XXYLT1: variants seen among roughly 807,000 people sequenced by gnomAD.
XXYLT1 encodes the protein UDP-xylose:alpha-xyloside alpha-1,3-xylosyltransferase.
XXYLT1 carries 20 observed loss-of-function variants against 28.9 expected under a neutral mutation model. That is an observed-to-expected ratio of 0.69 (90% CI 0.49 to 1.00). The LOEUF (loss-of-function observed/expected upper bound fraction) is 1.00, where lower values mean the gene tolerates loss of function less well. XXYLT1 is among the 50% of genes least tolerant of loss of function. The pLI is 0.00. For missense variants in XXYLT1, 542 were observed against 560.1 expected, an observed-to-expected ratio of 0.97 and a Z score of 0.33; for synonymous variants, 257 against 253.8, an observed-to-expected ratio of 1.01 and a Z score of -0.12.
rs1000415809 is a variant in XXYLT1, at chr3:195,168,905, A to G, written c.653-12324T>C. Among the ~76,000 whole-genome samples the G allele has an allele frequency of 2.6e-5, 4 of 152,220 alleles. No homozygotes were observed. Among genetic ancestry groups the G allele is most frequent in the Non-Finnish European group, 4.4e-5 (3 of 68,040 alleles). On this transcript the variant is annotated intron_variant, in intron 2 of 3. Coordinates refer to ENST00000310380, the MANE Select transcript of XXYLT1 (RefSeq NM_152531.5). This position sits in a 1 kb window ranked among gnomAD's most constrained non-coding sequence, Gnocchi z 4.3. Reference sequence around the variant, plus strand: ...ACAAAGTCTGAGCTCTTTTGCCTCAATGTGGTCCCTTTAAACAGGGCTTAC... The same window carrying G: ...ACAAAGTCTGAGCTCTTTTGCCTCAGTGTGGTCCCTTTAAACAGGGCTTAC...
In XXYLT1 at chr3:195,259,368, C is replaced by A. The variant is rs78993000; in HGVS notation, c.504+11187G>T. 1.2e-3 allele frequency among the ~76,000 whole-genome samples: 185 copies of A among 152,340 alleles called. 2 individuals are homozygous for A. The South Asian group carries it at 0.017, about 14-fold the overall frequency. ...AGTCAGAGCCGTGAAGTCAAGGTCC[C>A]TGTGGCTTGCGGGTAAGGCCCTGGT... On this transcript the variant is annotated intron_variant, in intron 1 of 3. Coordinates refer to ENST00000310380, the MANE Select transcript of XXYLT1 (RefSeq NM_152531.5).
intron 2 of XXYLT1, among the ~76,000 whole-genome samples, chr3:195,166,967 G>A (rs1298187870): frequency 2.6e-5 from 4 of 151,594 alleles, no homozygotes; most frequent in East Asian, 1.9e-4. Flanking sequence ...GTGAGCCACC[G>A]CGCCCGGCCA....
chr3:195,189,323 T>A (rs1722328719), intron 2 of XXYLT1, among the ~76,000 whole-genome samples: 1 of 152,074 alleles, frequency 6.6e-6, no homozygotes. Flanking sequence ...TCATAACTTG[T>A]CCCAGACAAG....
At chr3:195,111,346 A>G (rs80302312) in intron 3 of XXYLT1, among the ~76,000 whole-genome samples, 2 of 152,290 alleles carry the variant, frequency 1.3e-5, no homozygotes, top group East Asian at 3.9e-4. Flanking sequence ...ATAAGGTCAC[A>G]TTCTGAGGGA....
intron 2 of XXYLT1, among the ~76,000 whole-genome samples, chr3:195,200,083 C>T (rs973193948): frequency 3.9e-5 from 6 of 152,228 alleles, no homozygotes; most frequent in African/African-American, 1.4e-4. Context: ...ATTTTTCCAT[C>T]GCTGCTTTTC....
rs984291483 is a variant in XXYLT1, at chr3:195,168,227, C to T, written c.653-11646G>A. 5.3e-5 allele frequency among the ~76,000 whole-genome samples: 8 copies of T among 152,154 alleles called. No individual in the cohort carries two copies. Among genetic ancestry groups the T allele is most frequent in the Non-Finnish European group, 1.2e-4 (8 of 68,028 alleles). On this transcript the variant is annotated intron_variant, in intron 2 of 3. Transcript: ENST00000310380. The surrounding 1 kb of genome is among the most constrained non-coding windows in gnomAD (Gnocchi z 4.3). The stretch of plus-strand genomic sequence containing the variant: ...AAATGAATGTGGTCTGAGACTCCTC[C>T]CAGCCCTACCACCCTGTGATTCTGA...
intron 3 of XXYLT1, among the ~76,000 whole-genome samples, chr3:195,100,556 AC>A (rs1716720504): frequency 6.6e-6 from 1 of 151,608 alleles, no homozygotes; most frequent in African/African-American, 2.4e-5. Flanking sequence ...TGTGGCCTCT[AC>A]CCCTGCCAGC....
rs115462781 is a variant in XXYLT1, at chr3:195,254,466, A to G, written c.504+16089T>C. ...CCTCTGCAGGCTCAGTCACCCTCTCACTCTTGCTCAGCACGTCCACGGGGC... is the reference window on the plus strand; with the variant it reads ...CCTCTGCAGGCTCAGTCACCCTCTCGCTCTTGCTCAGCACGTCCACGGGGC... On this transcript the variant is annotated intron_variant, in intron 1 of 3. Coordinates refer to ENST00000310380, the MANE Select transcript of XXYLT1 (RefSeq NM_152531.5). Among the ~76,000 whole-genome samples, 929 of 151,946 alleles carry G rather than the reference A, an allele frequency of 6.1e-3. 12 individuals carry two copies. Among genetic ancestry groups the G allele is most frequent in the African/African-American group, 0.021 (870 of 41,438 alleles).
rs182377943 is a variant in XXYLT1, at chr3:195,180,760, G to A, written c.653-24179C>T. ...CACCCCTGCAAGCACACACCTGCTC[G>A]CCAGGAGCAAGGGCAGCGCCGGCCC... On this transcript the variant is annotated intron_variant, in intron 2 of 3. Coordinates refer to ENST00000310380, the MANE Select transcript of XXYLT1 (RefSeq NM_152531.5). This position sits in a 1 kb window ranked among gnomAD's most constrained non-coding sequence, Gnocchi z 5.8. 6.6e-5 allele frequency among the ~76,000 whole-genome samples: 10 copies of A among 152,288 alleles called. 1 individual carries two copies. Among genetic ancestry groups the A allele is most frequent in the African/African-American group, 9.6e-5 (4 of 41,572 alleles).
In XXYLT1 at chr3:195,141,336, C is replaced by T. The variant is rs142440138; in HGVS notation, c.785+15113G>A. On this transcript the variant is annotated intron_variant, in intron 3 of 3. Coordinates refer to ENST00000310380, the MANE Select transcript of XXYLT1 (RefSeq NM_152531.5). ...TGATAGGTCCAGATACACTGTGTTA[C>T]GTGGCTCTGAAACAATTCCAAATAC... 5.2e-3 allele frequency among the ~76,000 whole-genome samples: 798 copies of T among 152,306 alleles called. 5 individuals carry two copies. Among genetic ancestry groups the T allele is most frequent in the African/African-American group, 0.018 (747 of 41,558 alleles).
intron 2 of XXYLT1, 27 bp downstream of exon 2, chr3:195,226,682 G>T: frequency 6.2e-7 from 1 of 1,608,168 alleles, no homozygotes. Context: ...ACACCCAGGG[G>T]CTATTGCTCC....
intron 2 of XXYLT1, among the ~76,000 whole-genome samples, chr3:195,212,279 G>C (rs888176042): frequency 6.6e-6 from 1 of 152,232 alleles, no homozygotes; most frequent in African/African-American, 2.4e-5. Context: ...TGCTGGATCC[G>C]ATGGGATCGG....
intron 3 of XXYLT1, among the ~76,000 whole-genome samples, chr3:195,082,724 C>T (rs142674035): frequency 6.6e-6 from 1 of 152,108 alleles, no homozygotes; most frequent in South Asian, 2.1e-4. Context: ...TGGCGCGTGC[C>T]TATAATCCCA....
At chr3:195,228,954 A>C (rs1160336129) in intron 1 of XXYLT1, among the ~76,000 whole-genome samples, 1 of 151,612 alleles carries the variant, frequency 6.6e-6, no homozygotes, top group African/African-American at 2.4e-5. Flanking sequence ...CTGGGATTAC[A>C]GGCGCCCACC....
intron 2 of XXYLT1, among the ~76,000 whole-genome samples, chr3:195,218,418 G>A (rs1474531765): frequency 6.9e-3 from 1,037 of 150,122 alleles, no homozygotes; most frequent in African/African-American, 0.024. Flanking sequence ...CAACTCATCC[G>A]ACAAAGGGCT....
rs1419269554 is a variant in XXYLT1 at position 195,270,851 on chromosome 3, C to A, written c.208G>T (p.Ala70Ser). The change falls in exon 1 of 4, where the codon GCG (alanine) becomes TCG (serine). Residue 70 changes from alanine to serine, a missense_variant. Transcript: ENST00000310380. Reference sequence around the variant, plus strand: ...ACGGAGCCCCGCGCTAGCTCCAGCGCGGGCGGCGAGGGCGCGGCGGGAGCC... The same window carrying A: ...ACGGAGCCCCGCGCTAGCTCCAGCGAGGGCGGCGAGGGCGCGGCGGGAGCC... ...AGAPAAPSPP[A>S]LELARGSVAP... 3 of 1,378,866 alleles carry A rather than the reference C, an allele frequency of 2.2e-6. No homozygotes were observed. The highest frequency in any genetic ancestry group is 2.8e-6 in the Non-Finnish European group (3 of 1,067,446). The allele number at this position is 1,378,866 out of a possible 1,614,324, so 85.4% of individuals were successfully genotyped here. A position where few individuals can be genotyped will look rare whatever the true frequency, so the allele number is the denominator to read the frequency against.
chr3:195,101,475 C>G (rs572155876), intron 3 of XXYLT1, among the ~76,000 whole-genome samples: 1 of 152,212 alleles, frequency 6.6e-6, no homozygotes, highest in Non-Finnish European at 1.5e-5. Context: ...CACACAACTG[C>G]TATCACTTTC....
chr3:195,270,435 C>T, intron 1 of XXYLT1, 120 bp downstream of exon 1: 2 of 1,336,762 alleles, frequency 1.5e-6, no homozygotes, highest in Non-Finnish European at 1.9e-6. Context: ...ACATTGCAAG[C>T]GGGCAGCTCA....
chr3:195,114,762 CA>C (rs1453245746), intron 3 of XXYLT1, among the ~76,000 whole-genome samples: 2 of 152,216 alleles, frequency 1.3e-5, no homozygotes, highest in African/African-American at 4.8e-5. Context: ...TTTCGTCAAT[CA>C]GACGAAACTA....
Sources: gnomAD v4.1 joint callset for allele counts (sites outside exome capture counted in the v4.1 genomes callset) on GRCh38, gnomAD v4.1.1 for gene constraint, Gnocchi (gnomAD v3.1) non-coding constraint, MANE v1.5 for transcripts, NCBI Gene and HGNC (gene_info 2026-07-23, HGNC 2026-07-21) for gene names.